USP3: variants seen among roughly 807,000 people sequenced by gnomAD.
The protein encoded by USP3 is ubiquitin specific peptidase 3.
USP3 carries 20 observed loss-of-function variants against 72.3 expected under a neutral mutation model. The observed-to-expected ratio is 0.28, with a 90% CI of 0.19 to 0.40. The LOEUF (loss-of-function observed/expected upper bound fraction) is 0.40. Among genes scored for constraint, USP3 ranks in the 10% least tolerant of loss-of-function variants. The pLI is 1.00. For synonymous variants in USP3, 222 were observed against 225.3 expected, an observed-to-expected ratio of 0.99 and a Z score of 0.13; for missense variants, 479 against 633.9, an observed-to-expected ratio of 0.76 and a Z score of 2.62.
At chr15:63,560,801 G>C (rs748591809) in intron 7 of USP3, among the ~76,000 whole-genome samples, 2 of 152,170 alleles carry the variant, frequency 1.3e-5, no homozygotes, top group African/African-American at 2.4e-5. Context: ...GACAATTGTA[G>C]TGAGCACATT....
chr15:63,582,217 G>A (rs1260918165), intron 11 of USP3, among the ~76,000 whole-genome samples: 1 of 152,140 alleles, frequency 6.6e-6, no homozygotes, highest in African/African-American at 2.4e-5. Flanking sequence ...TTACAAATAG[G>A]CATTAGGTTT....
Position 63,574,309 on chromosome 15 carries a change from T to C in USP3, c.1016-14T>C. ...CCTTTAACAGCTCTCTGTTTACCTCTCTCTCCTTTTAAGACCTTTCATTAG... is the reference window on the plus strand; with the variant it reads ...CCTTTAACAGCTCTCTGTTTACCTCCCTCTCCTTTTAAGACCTTTCATTAG... On this transcript the variant is annotated splice_polypyrimidine_tract_variant and intron_variant, in intron 10 of 14. Coordinates refer to ENST00000380324, the MANE Select transcript of USP3 (RefSeq NM_006537.4). This position sits in a 1 kb window ranked among gnomAD's most constrained non-coding sequence, Gnocchi z 4.6. The C allele has an allele frequency of 6.4e-7, 1 of 1,573,878 alleles. No homozygotes were observed. The highest frequency in any genetic ancestry group is 8.6e-7 in the Non-Finnish European group (1 of 1,164,108).
At chr15:63,552,594 G>A (rs547774278) in intron 3 of USP3, among the ~76,000 whole-genome samples, 1 of 152,260 alleles carries the variant, frequency 6.6e-6, no homozygotes, top group African/African-American at 2.4e-5. Flanking sequence ...GAGAGTGTGT[G>A]TTAAATAATT....
intron 6 of USP3, among the ~76,000 whole-genome samples, chr15:63,558,406 T>C (rs1018641148): frequency 3.9e-5 from 6 of 152,166 alleles, no homozygotes; most frequent in Admixed American, 3.9e-4. Context: ...CTAAAGTACT[T>C]AGAGCAGTGT....
chr15:63,552,713 T>C (rs751996637), intron 3 of USP3, among the ~76,000 whole-genome samples: 4 of 152,170 alleles, frequency 2.6e-5, no homozygotes, highest in African/African-American at 4.8e-5. Flanking sequence ...TAAAATTACT[T>C]TTCCCCACCC....
At chr15:63,565,438 T>C (rs2066674610) in intron 8 of USP3, among the ~76,000 whole-genome samples, 1 of 152,250 alleles carries the variant, frequency 6.6e-6, no homozygotes, top group Admixed American at 6.5e-5. Context: ...CTTTTGCTTT[T>C]CATAAAAATA....
In USP3 at chr15:63,529,705, G is replaced by A. The variant is rs1238987088; in HGVS notation, c.92-2942G>A. 6.6e-6 allele frequency among the ~76,000 whole-genome samples: 1 copy of A among 152,146 alleles called. No homozygotes were observed. Among genetic ancestry groups the A allele is most frequent in the Admixed American group, 6.5e-5 (1 of 15,270 alleles). On this transcript the variant is annotated intron_variant, in intron 1 of 14. Coordinates refer to ENST00000380324, the MANE Select transcript of USP3 (RefSeq NM_006537.4). This position sits in a 1 kb window ranked among gnomAD's most constrained non-coding sequence, Gnocchi z 4.2. ...GTGTAGGTTTACAACCCTAAAGTGA[G>A]GAAGAAAGGAACACTTGGTAGGAAA...
chr15:63,588,552 AC>A lies in USP3; in HGVS notation c.1215+133del. ...CTCTAGGATTTTCAGTAAAAGCTAA[AC>A]CCCTTACAGAATGAATGCATAAGGT... is the stretch of plus-strand genomic sequence containing the variant. On this transcript the variant is annotated intron_variant, in intron 12 of 14. Coordinates refer to ENST00000380324, the MANE Select transcript of USP3 (RefSeq NM_006537.4). The surrounding 1 kb of genome is among the most constrained non-coding windows in gnomAD (Gnocchi z 4.6). 1 of 961,010 alleles carries A rather than the reference AC, an allele frequency of 1.0e-6. No homozygotes were observed. The highest frequency in any genetic ancestry group is 1.6e-5 in the South Asian group (1 of 63,192). 59.5% of individuals were successfully genotyped at this position (961,010 alleles called of 1,614,324 possible). A position where few individuals can be genotyped will look rare whatever the true frequency, so the allele number is the denominator to read the frequency against.
At position 63,570,739 on chromosome 15, in the gene USP3, C is replaced by T. The variant is rs1289743236; in HGVS notation, c.908+160C>T. Among the ~76,000 whole-genome samples the T allele has an allele frequency of 6.6e-6, 1 of 152,154 alleles. No individual in the cohort carries two copies. The highest frequency in any genetic ancestry group is 1.5e-5 in the Non-Finnish European group (1 of 68,034). On this transcript the variant is annotated intron_variant, in intron 9 of 14. Transcript: ENST00000380324. This position sits in a 1 kb window ranked among gnomAD's most constrained non-coding sequence, Gnocchi z 4.4. ...TGTGACCCAGTGAACTAGCACATACCTCTTGCTTCTAGACCAGAGGCATCT... is the reference window on the plus strand; with the variant it reads ...TGTGACCCAGTGAACTAGCACATACTTCTTGCTTCTAGACCAGAGGCATCT...
At chr15:63,517,177 T>C (rs2065861306) in intron 1 of USP3, among the ~76,000 whole-genome samples, 1 of 152,138 alleles carries the variant, frequency 6.6e-6, no homozygotes, top group Non-Finnish European at 1.5e-5. Context: ...ATTAGGTATA[T>C]CTCCTAATGC....
chr15:63,521,154 T>C (rs1283724915), intron 1 of USP3, among the ~76,000 whole-genome samples: 1 of 151,722 alleles, frequency 6.6e-6, no homozygotes, highest in African/African-American at 2.4e-5. Flanking sequence ...TTTTTTTTTT[T>C]TTCATTTAGC....
At chr15:63,505,055 C>T (rs981704925) in intron 1 of USP3, among the ~76,000 whole-genome samples, 30 of 150,864 alleles carry the variant, frequency 2.0e-4, no homozygotes, top group Non-Finnish European at 3.9e-4. Flanking sequence ...AGGAGAGGGC[C>T]GCGAGGGGCG....
chr15:63,543,832 A>G (rs1174876131), intron 3 of USP3, among the ~76,000 whole-genome samples: 1 of 152,232 alleles, frequency 6.6e-6, no homozygotes, highest in Non-Finnish European at 1.5e-5. Flanking sequence ...AAAATGTTTA[A>G]AAATTAACAT....
chr15:63,546,319 G>A (rs1049130969), intron 3 of USP3, among the ~76,000 whole-genome samples: 27 of 152,146 alleles, frequency 1.8e-4, no homozygotes, highest in African/African-American at 4.6e-4. Context: ...TACCTAGAAC[G>A]TTTAACTGTG....
intron 7 of USP3, among the ~76,000 whole-genome samples, chr15:63,562,254 A>G (rs2066619579): frequency 6.6e-6 from 1 of 152,206 alleles, no homozygotes; most frequent in Non-Finnish European, 1.5e-5. Flanking sequence ...TGAGCGTTCT[A>G]TTCATATGCG....
Position 63,545,970 on chromosome 15 carries a change from CAAAAAAA to C in USP3, c.285-7726_285-7720del, listed in dbSNP as rs60122671. Among the ~76,000 whole-genome samples, 187 of 68,848 alleles carry C rather than the reference CAAAAAAA, an allele frequency of 2.7e-3. 1 individual carries two copies. Among genetic ancestry groups the C allele is most frequent in the African/African-American group, 9.5e-3 (160 of 16,838 alleles). The allele number at this position is 68,848 out of a possible 152,430, so 45.2% of individuals were successfully genotyped here. A position where few individuals can be genotyped will look rare whatever the true frequency, so the allele number is the denominator to read the frequency against. On this transcript the variant is annotated intron_variant, in intron 3 of 14. Coordinates refer to ENST00000380324, the MANE Select transcript of USP3 (RefSeq NM_006537.4). ...TGGGTGACAGAGCCAGACCTTGTCT[CAAAAAAA>C]AAAAAAAAAAAAAAAAAACAGTAGA...
intron 8 of USP3, among the ~76,000 whole-genome samples, chr15:63,566,277 C>G (rs1204312698): frequency 4.0e-5 from 6 of 149,578 alleles, no homozygotes; most frequent in Non-Finnish European, 8.9e-5. Context: ...TTTTTGTAGA[C>G]AAAAAATAGA....
intron 11 of USP3, among the ~76,000 whole-genome samples, chr15:63,584,258 C>G (rs991247245): frequency 6.6e-6 from 1 of 151,826 alleles, no homozygotes; most frequent in Non-Finnish European, 1.5e-5. Flanking sequence ...CCACCATGCC[C>G]GGCTAATTTT....
chr15:63,562,876 G>C lies in USP3; in HGVS notation c.648-19G>C. 1 of 1,573,312 alleles carries C rather than the reference G, an allele frequency of 6.4e-7. No homozygotes were observed. The highest frequency in any genetic ancestry group is 8.7e-7 in the Non-Finnish European group (1 of 1,151,412). On this transcript the variant is annotated intron_variant, in intron 7 of 14. Transcript: ENST00000380324. Reference sequence around the variant, plus strand: ...AGCCTCTCACTAATCTGAGGGCACTGTCCTTTCCTCTTTTGCAGGTCTTTG... The same window carrying C: ...AGCCTCTCACTAATCTGAGGGCACTCTCCTTTCCTCTTTTGCAGGTCTTTG...
Sources: allele counts gnomAD v4.1 joint callset (sites outside exome capture counted in the v4.1 genomes callset), GRCh38; gene constraint gnomAD v4.1.1; non-coding constraint Gnocchi (gnomAD v3.1); transcripts MANE v1.5; gene names NCBI Gene and HGNC (gene_info 2026-07-23, HGNC 2026-07-21).